TWIST2: variants seen among roughly 807,000 people sequenced by gnomAD.
The protein encoded by TWIST2 is twist family bHLH transcription factor 2.
A neutral mutation model predicts 11.6 loss-of-function variants in TWIST2; 1 was observed. The ratio of observed to expected loss-of-function variants is 0.09; its 90% CI spans 0.03 to 0.41. The LOEUF is 0.41. TWIST2 is among the 10% of genes least tolerant of loss of function. The pLI is 0.98. For synonymous variants in TWIST2, 87 were observed against 96.6 expected (o/e 0.90, Z 0.58); for missense variants, 168 against 226.4 (o/e 0.74, Z 1.66).
At chr2:238,902,845 TG>T (rs1286355588) in intron 1 of TWIST2, among the ~76,000 whole-genome samples, 1 of 138,316 alleles carries the variant, frequency 7.2e-6, no homozygotes, top group Non-Finnish European at 1.5e-5. Context: ...GTGTGTGATG[TG>T]GGGTGTGTGA....
intron 1 of TWIST2, among the ~76,000 whole-genome samples, chr2:238,899,348 C>T (rs1212141472): frequency 6.6e-6 from 1 of 152,242 alleles, no homozygotes; most frequent in African/African-American, 2.4e-5. Context: ...GTTCTCATGG[C>T]GACATGTGTG....
At chr2:238,853,584 A>T (rs1296678375) in intron 1 of TWIST2, among the ~76,000 whole-genome samples, 1 of 152,160 alleles carries the variant, frequency 6.6e-6, no homozygotes, top group South Asian at 2.1e-4. Flanking sequence ...AGATTGAGTG[A>T]TATTAAACTA....
Position 238,905,966 on chromosome 2 carries a change from TGTGTGTGCGCGCGCGTGTAC to T in TWIST2, c.*36-3872_*36-3853del, listed in dbSNP as rs1574769878. ...GTGCGCGCGCGTGTGTACGTGTGCG[TGTGTGTGCGCGCGCGTGTAC>T]GTGCGCGTGTGTGCGTGTGCGTGTG... On this transcript the variant is annotated intron_variant, in intron 1 of 1. Transcript: ENST00000612363. Among the ~76,000 whole-genome samples the T allele has an allele frequency of 2.8e-4, 35 of 124,164 alleles. 1 individual carries two copies. Among genetic ancestry groups the T allele is most frequent in the African/African-American group, 3.5e-5 (1 of 28,602 alleles). 81.5% of individuals were successfully genotyped at this position (124,164 alleles called of 152,430 possible). A position where few individuals can be genotyped will look rare whatever the true frequency, so the allele number is the denominator to read the frequency against.
chr2:238,888,936 G>T (rs1693085513), intron 1 of TWIST2, among the ~76,000 whole-genome samples: 1 of 152,206 alleles, frequency 6.6e-6, no homozygotes, highest in Non-Finnish European at 1.5e-5. Flanking sequence ...TGTCCAGGCT[G>T]ATTCTAGCAG....
chr2:238,883,674 C>T (rs914101024), intron 1 of TWIST2, among the ~76,000 whole-genome samples: 10 of 152,086 alleles, frequency 6.6e-5, no homozygotes, highest in East Asian at 3.9e-4. Flanking sequence ...GAAGGGGCTC[C>T]GAGCACACGG....
chr2:238,904,881 T>C lies in TWIST2; in HGVS notation c.*36-4961T>C, dbSNP rs1343209179. On this transcript the variant is annotated intron_variant, in intron 1 of 1. Transcript: ENST00000612363. ...ATAAATGGATAAAAGGAAGGAAGGA[T>C]GGATAGATGAATGGATGGGTGGAGG... Among the ~76,000 whole-genome samples the C allele has an allele frequency of 2.0e-5, 3 of 149,362 alleles. No homozygotes were observed. In the East Asian group the frequency reaches 5.9e-4, roughly 29 times the overall value.
At chr2:238,902,792 T>TGTGTCTCA (rs1486065350) in intron 1 of TWIST2, among the ~76,000 whole-genome samples, 2 of 134,100 alleles carry the variant, frequency 1.5e-5, no homozygotes, top group East Asian at 2.3e-4. Context: ...ATGTGGGGTG[T>TGTGTCTCA]TGTGATGTGT....
At chr2:238,899,148 G>T (rs1256538765) in intron 1 of TWIST2, among the ~76,000 whole-genome samples, 1 of 152,256 alleles carries the variant, frequency 6.6e-6, no homozygotes, top group Admixed American at 6.5e-5. Flanking sequence ...CCATGTGACC[G>T]CTGGCCACGG....
chr2:238,884,012 A>G (rs558829863), intron 1 of TWIST2, among the ~76,000 whole-genome samples: 13 of 152,104 alleles, frequency 8.5e-5, no homozygotes, highest in Non-Finnish European at 1.9e-4. Context: ...GAATTCCCCT[A>G]GGGTTAATCC....
intron 1 of TWIST2, among the ~76,000 whole-genome samples, chr2:238,865,692 T>A (rs1314506445): frequency 2.0e-5 from 1 of 50,878 alleles, no homozygotes. Context: ...TTTTGGAACT[T>A]TTTTTTTTTT....
At chr2:238,897,843 C>T (rs1693223715) in intron 1 of TWIST2, among the ~76,000 whole-genome samples, 2 of 152,234 alleles carry the variant, frequency 1.3e-5, no homozygotes, top group South Asian at 2.1e-4. Context: ...GGCCAATGGT[C>T]TCTTTGAACC....
chr2:238,848,162 G>T lies in TWIST2; in HGVS notation c.-54G>T. The T allele has an allele frequency of 1.0e-5, 12 of 1,185,934 alleles. No individual in the cohort carries two copies. The highest frequency in any genetic ancestry group is 1.1e-5 in the Non-Finnish European group (11 of 959,004). The allele number at this position is 1,185,934 out of a possible 1,614,324, so 73.5% of individuals were successfully genotyped here. Reference sequence around the variant, plus strand: ...CTCGGCGACCGCGGGCTTGGCCAGCGGCGCGCGCTCGGCGCCCCGGCGCCC... The same window carrying T: ...CTCGGCGACCGCGGGCTTGGCCAGCTGCGCGCGCTCGGCGCCCCGGCGCCC... On this transcript the variant is annotated 5_prime_UTR_variant, in exon 1 of 2. Transcript: ENST00000612363.
chr2:238,848,764 C>G, intron 1 of TWIST2, 31 bp downstream of exon 1: 1 of 1,324,596 alleles, frequency 7.5e-7, no homozygotes, highest in Non-Finnish European at 9.6e-7. Flanking sequence ...GGGCGCCCTC[C>G]GCTGCGGGGG....
At chr2:238,871,677 C>A (rs993331562) in intron 1 of TWIST2, among the ~76,000 whole-genome samples, 7 of 144,510 alleles carry the variant, frequency 4.8e-5, no homozygotes, top group Non-Finnish European at 1.1e-4. Flanking sequence ...ATCACCCCCC[C>A]CCAACACACA....
intron 1 of TWIST2, among the ~76,000 whole-genome samples, chr2:238,865,485 C>T (rs916218077): frequency 1.3e-5 from 2 of 152,168 alleles, no homozygotes; most frequent in East Asian, 1.9e-4. Flanking sequence ...CTGAGGCGCT[C>T]GTGTCAGGAT....
At chr2:238,870,409 TACCACACACAA>T (rs1692647639) in intron 1 of TWIST2, among the ~76,000 whole-genome samples, 2 of 358 alleles carry the variant, frequency 5.6e-3, no homozygotes, top group East Asian at 0.077. Flanking sequence ...ACACATCACA[TACCACACACAA>T]ACCACACACC....
chr2:238,903,291 G>A (rs1693301203), intron 1 of TWIST2, among the ~76,000 whole-genome samples: 1 of 150,330 alleles, frequency 6.7e-6, no homozygotes, highest in East Asian at 2.0e-4. Flanking sequence ...CTAATGTGAG[G>A]TGTGTGATGT....
intron 1 of TWIST2, among the ~76,000 whole-genome samples, chr2:238,870,383 C>CA (rs1215126407): frequency 3.9e-4 from 1 of 2,582 alleles, no homozygotes; most frequent in Non-Finnish European, 8.6e-4. Flanking sequence ...CCCCACACAC[C>CA]CCACACACCC....
chr2:238,909,439 G>T (rs1036179023), intron 1 of TWIST2, among the ~76,000 whole-genome samples: 1 of 152,258 alleles, frequency 6.6e-6, no homozygotes, highest in South Asian at 2.1e-4. Flanking sequence ...AGCTCCCTCG[G>T]GCCTGCACGG....
Sources: gnomAD v4.1 joint callset for allele counts (sites outside exome capture counted in the v4.1 genomes callset) on GRCh38, gnomAD v4.1.1 for gene constraint, MANE v1.5 for transcripts, NCBI Gene and HGNC (gene_info 2026-07-23, HGNC 2026-07-21) for gene names.